The following WWP2 variants were observed in gnomAD, a reference collection of about 807,000 sequenced individuals.
WWP2 encodes the protein WW domain containing E3 ubiquitin protein ligase 2, also known as NEDD4-like E3 ubiquitin-protein ligase WWP2.
WWP2 carries 57 observed loss-of-function variants against 121.0 expected under a neutral mutation model. The observed-to-expected ratio is 0.47, with a 90% CI of 0.38 to 0.59. The LOEUF (loss-of-function observed/expected upper bound fraction) is 0.59, where lower values mean the gene tolerates loss of function less well. Ranked by LOEUF, WWP2 falls within the 20% of genes least tolerant of loss-of-function variation. WWP2 has a pLI of 0.00. For synonymous variants in WWP2, 449 were observed against 441.3 expected, an observed-to-expected ratio of 1.02 and a Z score of -0.22; for missense variants, 962 against 1,158.9, an observed-to-expected ratio of 0.83 and a Z score of 2.47.
At chr16:69,766,232 C>T (rs557477825) in intron 1 of WWP2, among the ~76,000 whole-genome samples, 7 of 152,234 alleles carry the variant, frequency 4.6e-5, no homozygotes, top group South Asian at 2.1e-4. Context: ...CCTCTCACAC[C>T]CCACATCCAA....
chr16:69,770,362 C>T (rs1386328623), intron 1 of WWP2, among the ~76,000 whole-genome samples: 3 of 151,998 alleles, frequency 2.0e-5, no homozygotes, highest in East Asian at 1.9e-4. Context: ...ATCATGCCTG[C>T]GTAATGAAGC....
chr16:69,858,538 C>T (rs914070963), intron 6 of WWP2, among the ~76,000 whole-genome samples: 2 of 152,062 alleles, frequency 1.3e-5, no homozygotes, highest in Admixed American at 1.3e-4. Flanking sequence ...CCGCCTTGTG[C>T]TTGCAAGGTG....
At chr16:69,791,106 A>G (rs1041124234) in intron 2 of WWP2, among the ~76,000 whole-genome samples, 7 of 152,224 alleles carry the variant, frequency 4.6e-5, no homozygotes, top group Non-Finnish European at 1.0e-4. Flanking sequence ...TTATTACCTT[A>G]GCTAATAATT....
At chr16:69,928,365 T>TG (rs1178520150) in intron 11 of WWP2, among the ~76,000 whole-genome samples, 1 of 152,038 alleles carries the variant, frequency 6.6e-6, no homozygotes. Flanking sequence ...TTTTTGTTTT[T>TG]TTTTTCTCCT....
Position 69,798,665 on chromosome 16 carries a change from CTT to C in WWP2, c.71-15_71-14del. The C allele has an allele frequency of 6.2e-7, 1 of 1,610,210 alleles. No individual in the cohort carries two copies. Among genetic ancestry groups the C allele is most frequent in the Non-Finnish European group, 8.5e-7 (1 of 1,177,904 alleles). On this transcript the variant is annotated splice_polypyrimidine_tract_variant and intron_variant, in intron 2 of 23. Coordinates refer to ENST00000359154, the MANE Select transcript of WWP2 (RefSeq NM_001270454.2). ...CCCTGGGACTCATCTTTGACTTTTT[CTT>C]TCTTTCTCTCCCAGTGGTGTCCGCA...
intron 8 of WWP2, among the ~76,000 whole-genome samples, chr16:69,891,129 C>CT (rs1307437660): frequency 6.6e-6 from 1 of 152,152 alleles, no homozygotes; most frequent in Non-Finnish European, 1.5e-5. Flanking sequence ...TGCTGAGTGT[C>CT]TAAGAGGGAG....
intron 6 of WWP2, among the ~76,000 whole-genome samples, chr16:69,842,321 G>A (rs1418440004): frequency 6.6e-6 from 1 of 151,860 alleles, no homozygotes; most frequent in Non-Finnish European, 1.5e-5. Context: ...AATTGAATTT[G>A]GATTTTTAAT....
chr16:69,842,342 A>G (rs546433451), intron 6 of WWP2, among the ~76,000 whole-genome samples: 26 of 150,970 alleles, frequency 1.7e-4, no homozygotes, highest in African/African-American at 6.3e-4. Flanking sequence ...TTTTGTTTTT[A>G]TTTTAGATTC....
intron 2 of WWP2, among the ~76,000 whole-genome samples, chr16:69,796,278 A>C (rs1370791569): frequency 6.6e-6 from 1 of 152,204 alleles, no homozygotes; most frequent in African/African-American, 2.4e-5. Flanking sequence ...CTCAACTTAC[A>C]GTGGGGTTAC....
chr16:69,935,811 C>G lies in WWP2; in HGVS notation c.1843-42C>G, dbSNP rs757821005. On this transcript the variant is annotated intron_variant, in intron 17 of 23. Transcript: ENST00000359154. This position sits in a 1 kb window ranked among gnomAD's most constrained non-coding sequence, Gnocchi z 5.2. Reference sequence around the variant, plus strand: ...TCTGAGAGCTGGTCTTGGCAGTGCCCAGGGAAGGCCAAACCTCTGTGCTGT... The same window carrying G: ...TCTGAGAGCTGGTCTTGGCAGTGCCGAGGGAAGGCCAAACCTCTGTGCTGT... 1 of 1,582,568 alleles carries G rather than the reference C, an allele frequency of 6.3e-7. No homozygotes were observed. The highest frequency in any genetic ancestry group is 1.8e-5 in the Admixed American group (1 of 55,226).
intron 8 of WWP2, among the ~76,000 whole-genome samples, chr16:69,897,980 G>A (rs2058134311): frequency 6.6e-6 from 1 of 151,528 alleles, no homozygotes; most frequent in Admixed American, 6.6e-5. Flanking sequence ...GTTTTCCTGT[G>A]CATGCCTTTT....
At chr16:69,908,069 G>A (rs377346036) in intron 8 of WWP2, among the ~76,000 whole-genome samples, 21 of 151,996 alleles carry the variant, frequency 1.4e-4, no homozygotes, top group East Asian at 1.9e-4. Context: ...GGTGAAACCC[G>A]TCTCTACCAA....
intron 7 of WWP2, among the ~76,000 whole-genome samples, chr16:69,872,804 C>T (rs1299696251): frequency 4.6e-5 from 7 of 152,260 alleles, no homozygotes; most frequent in African/African-American, 1.7e-4. Context: ...CTTCCCCACA[C>T]TTGGCTCTGC....
intron 4 of WWP2, among the ~76,000 whole-genome samples, chr16:69,835,703 C>T (rs2056864010): frequency 6.6e-6 from 1 of 152,096 alleles, no homozygotes; most frequent in South Asian, 2.1e-4. Context: ...AAAACTTCAC[C>T]CTATTCTTCT....
chr16:69,792,083 G>A (rs956314891), intron 2 of WWP2, among the ~76,000 whole-genome samples: 5 of 152,100 alleles, frequency 3.3e-5, no homozygotes, highest in Non-Finnish European at 7.4e-5. Context: ...TCTTTTTCCC[G>A]TGCATTTCAT....
At chr16:69,816,784 TACAC>T (rs920710904) in intron 4 of WWP2, among the ~76,000 whole-genome samples, 44 of 151,982 alleles carry the variant, frequency 2.9e-4, no homozygotes, top group Admixed American at 8.5e-4. Flanking sequence ...CATACACATA[TACAC>T]ACACACATAT....
chr16:69,873,001 C>T (rs1156791765), intron 7 of WWP2, among the ~76,000 whole-genome samples: 3 of 152,190 alleles, frequency 2.0e-5, no homozygotes, highest in South Asian at 2.1e-4. Context: ...GTCTTCATTT[C>T]GGGCAGTTGG....
At chr16:69,886,286 G>C (rs2057922699) in intron 7 of WWP2, among the ~76,000 whole-genome samples, 1 of 152,150 alleles carries the variant, frequency 6.6e-6, no homozygotes, top group South Asian at 2.1e-4. Context: ...TCGCTAGGTT[G>C]CCCAGGTCTG....
intron 1 of WWP2, among the ~76,000 whole-genome samples, chr16:69,762,665 C>T (rs2151759810): frequency 6.6e-6 from 1 of 152,140 alleles, no homozygotes; most frequent in East Asian, 1.9e-4. Flanking sequence ...CGAGTCCTCC[C>T]GGAAGGGGAG....
Sources: gnomAD v4.1 joint callset for allele counts (sites outside exome capture counted in the v4.1 genomes callset) on GRCh38, gnomAD v4.1.1 for gene constraint, Gnocchi (gnomAD v3.1) non-coding constraint, MANE v1.5 for transcripts, NCBI Gene and HGNC (gene_info 2026-07-23, HGNC 2026-07-21) for gene names.